Variants in EYS observed in about 807,000 individuals in gnomAD.
EYS encodes the protein EGF-like photoreceptor maintenance factor.
A neutral mutation model predicts 282.1 loss-of-function variants in EYS; 250 were observed. That is an observed-to-expected ratio of 0.89 (90% CI 0.80 to 0.98). The LOEUF is 0.98. EYS is among the 50% of genes least tolerant of loss of function. The pLI, the probability that EYS is intolerant of heterozygous loss-of-function variation, is 0.00. For missense variants in EYS, 4,016 were observed against 3,709.0 expected (o/e 1.08, Z -2.15); for synonymous variants, 1,355 against 1,282.9 (o/e 1.06, Z -1.20).
intron 13 of EYS, among the ~76,000 whole-genome samples, chr6:65,003,743 C>T (rs996966128): frequency 1.4e-5 from 2 of 147,084 alleles, no homozygotes; most frequent in African/African-American, 2.4e-5. Flanking sequence ...AAAGAACCTA[C>T]GTGAATATCA....
chr6:64,216,135 A>T, intron 31 of EYS, among the ~76,000 whole-genome samples: 1 of 152,224 alleles, frequency 6.6e-6, no homozygotes, highest in East Asian at 1.9e-4. Context: ...AAATAAATGT[A>T]TTTTGAAAAA....
At chr6:64,421,366 G>T (rs1264712149) in intron 28 of EYS, among the ~76,000 whole-genome samples, 2 of 152,116 alleles carry the variant, frequency 1.3e-5, no homozygotes, top group African/African-American at 4.8e-5. Flanking sequence ...TGAACGTGGG[G>T]ATTATGAGAC....
intron 2 of EYS, among the ~76,000 whole-genome samples, chr6:65,633,593 C>T (rs1254482000): frequency 6.6e-6 from 1 of 152,154 alleles, no homozygotes. Flanking sequence ...GTGAAGCTGT[C>T]CATTATTCAG....
chr6:65,002,786 A>T (rs1271693889), intron 13 of EYS, among the ~76,000 whole-genome samples: 3 of 147,750 alleles, frequency 2.0e-5, no homozygotes, highest in Non-Finnish European at 4.5e-5. Context: ...TTTCATGGAC[A>T]TTTATTAGTT....
Position 65,172,080 on chromosome 6 carries a change from CT to C in EYS, c.2024-114354del, listed in dbSNP as rs375864387. Among the ~76,000 whole-genome samples the C allele has an allele frequency of 6.7e-4, 102 of 151,490 alleles. 1 individual carries two copies. In the East Asian group the frequency reaches 0.016, roughly 24 times the overall value. ...TTTTAGAGGAAGAACAAATAGTAAACTGAATTTAAGCAGGGTCTCCCTCTTA... is the reference window on the plus strand; with the variant it reads ...TTTTAGAGGAAGAACAAATAGTAAACGAATTTAAGCAGGGTCTCCCTCTTA... On this transcript the variant is annotated intron_variant, in intron 12 of 42. Coordinates refer to ENST00000503581, the MANE Select transcript of EYS (RefSeq NM_001142800.2).
chr6:64,051,112 G>A (rs1175572519), intron 33 of EYS, among the ~76,000 whole-genome samples: 1 of 152,132 alleles, frequency 6.6e-6, no homozygotes, highest in African/African-American at 2.4e-5. Context: ...TTGAAAATGG[G>A]TTAGGAGCTG....
chr6:64,684,944 T>C (rs866377187), intron 22 of EYS, among the ~76,000 whole-genome samples: 1 of 152,048 alleles, frequency 6.6e-6, no homozygotes, highest in South Asian at 2.1e-4. Flanking sequence ...ATAATTGTTA[T>C]AATAAATTAA....
intron 11 of EYS, among the ~76,000 whole-genome samples, chr6:65,302,135 G>A (rs546138462): frequency 6.6e-6 from 1 of 152,254 alleles, no homozygotes; most frequent in South Asian, 2.1e-4. Flanking sequence ...ACTAACCCTA[G>A]CTGTCTCCAG....
chr6:64,136,141 TAA>T (rs79149461), intron 31 of EYS, among the ~76,000 whole-genome samples: 3,177 of 131,320 alleles, frequency 0.024, 102 homozygotes, highest in African/African-American at 0.08. Context: ...AGATTCTTTC[TAA>T]AAAAAAAAAA....
At chr6:64,979,026 T>A (rs899451254) in intron 14 of EYS, among the ~76,000 whole-genome samples, 2 of 151,916 alleles carry the variant, frequency 1.3e-5, no homozygotes, top group African/African-American at 4.8e-5. Flanking sequence ...CATAAACAGT[T>A]GATAAAACAG....
chr6:63,801,749 G>C (rs1384667281), intron 37 of EYS, among the ~76,000 whole-genome samples: 2 of 152,236 alleles, frequency 1.3e-5, no homozygotes, highest in African/African-American at 4.8e-5. Context: ...GTGTTTGACA[G>C]GATATTTCCA....
chr6:65,016,458 T>C (rs954557923), intron 13 of EYS, among the ~76,000 whole-genome samples: 5 of 144,564 alleles, frequency 3.5e-5, no homozygotes, highest in Non-Finnish European at 6.0e-5. Flanking sequence ...ATGATTTAGA[T>C]AAACTTAAAA....
chr6:64,984,385 C>T (rs1770782306), intron 14 of EYS, among the ~76,000 whole-genome samples: 1 of 151,416 alleles, frequency 6.6e-6, no homozygotes, highest in Non-Finnish European at 1.5e-5. Flanking sequence ...GAAGGATATA[C>T]TGATGATGAC....
At chr6:65,419,174 C>T (rs952021194) in intron 5 of EYS, among the ~76,000 whole-genome samples, 4 of 151,570 alleles carry the variant, frequency 2.6e-5, no homozygotes, top group Admixed American at 1.3e-4. Flanking sequence ...GTATAACTTA[C>T]GGATGTATAA....
At chr6:64,686,254 A>G (rs1266926788) in intron 22 of EYS, among the ~76,000 whole-genome samples, 5 of 152,036 alleles carry the variant, frequency 3.3e-5, no homozygotes, top group Non-Finnish European at 7.4e-5. Flanking sequence ...TCAATAAAAT[A>G]GAGGGAAGTA....
At chr6:63,808,014 A>C (rs1436033390) in intron 36 of EYS, among the ~76,000 whole-genome samples, 1 of 152,218 alleles carries the variant, frequency 6.6e-6, no homozygotes, top group East Asian at 1.9e-4. Flanking sequence ...AATAATTTAC[A>C]ACTGAGTCTA....
intron 11 of EYS, among the ~76,000 whole-genome samples, chr6:65,318,013 G>T (rs375857767): frequency 1.3e-5 from 2 of 150,552 alleles, no homozygotes; most frequent in Non-Finnish European, 1.5e-5. Flanking sequence ...GATGACAGGC[G>T]CCCGCCACCA....
intron 5 of EYS, among the ~76,000 whole-genome samples, chr6:65,422,552 T>C (rs1274233510): frequency 1.3e-5 from 2 of 151,622 alleles, no homozygotes; most frequent in Admixed American, 6.6e-5. Flanking sequence ...AAATGCCCAA[T>C]AAACATGCAA....
intron 4 of EYS, chr6:65,491,245 T>C (rs557285278): frequency 5.6e-6 from 1 of 177,666 alleles, no homozygotes; most frequent in Non-Finnish European, 1.2e-5. Flanking sequence ...ACACATACTA[T>C]TGTGGTCCCA....
Sources: gnomAD v4.1 joint callset for allele counts (sites outside exome capture counted in the v4.1 genomes callset) on GRCh38, gnomAD v4.1.1 for gene constraint, MANE v1.5 for transcripts, NCBI Gene and HGNC (gene_info 2026-07-23, HGNC 2026-07-21) for gene names.